RAD51B: variants seen among roughly 807,000 people sequenced by gnomAD.
RAD51B encodes RAD51 paralog B.
In RAD51B, 38 loss-of-function variants were observed where a neutral mutation model predicts 42.2. That is an observed-to-expected ratio of 0.90 (90% CI 0.70 to 1.18). RAD51B has a LOEUF of 1.18. Among genes scored for constraint, RAD51B ranks in the 50% most tolerant of loss-of-function variants. The probability of loss-of-function intolerance (pLI) is 0.00; values close to 1 mark genes in which losing one functional copy is unlikely to be tolerated. For missense variants in RAD51B, 373 were observed against 400.7 expected (o/e 0.93, Z 0.59); for synonymous variants, 154 against 145.2 (o/e 1.06, Z -0.43).
At chr14:67,941,426 A>T in intron 7 of RAD51B, among the ~76,000 whole-genome samples, 1 of 152,144 alleles carries the variant, frequency 6.6e-6, no homozygotes, top group Non-Finnish European at 1.5e-5. Flanking sequence ...CATAGGGGGA[A>T]GATTTTGCTT....
chr14:68,411,564 C>T lies in RAD51B; in HGVS notation c.957+37C>T, dbSNP rs147532073. On this transcript the variant is annotated intron_variant, in intron 9 of 10. Transcript: ENST00000471583. Reference sequence around the variant, plus strand: ...GACAGTATTCTCTGACTATGAAGGTCGGGGAATGAGATATACCAAGCAATC... The same window carrying T: ...GACAGTATTCTCTGACTATGAAGGTTGGGGAATGAGATATACCAAGCAATC... 5.1e-6 allele frequency: 8 copies of T among 1,583,724 alleles called. 2 individuals carry two copies. In the East Asian group the frequency reaches 6.7e-5, roughly 13 times the overall value.
intron 10 of RAD51B, among the ~76,000 whole-genome samples, chr14:68,471,514 T>A (rs897494290): frequency 1.3e-5 from 2 of 151,978 alleles, no homozygotes; most frequent in African/African-American, 4.8e-5. Context: ...AGTCAGCAAC[T>A]GGGGGACTTC....
At position 68,665,637 on chromosome 14, in the gene RAD51B, T is replaced by C. The variant is rs150536825; in HGVS notation, c.*11+14781T>C. Among the ~76,000 whole-genome samples, 525 of 152,338 alleles carry C rather than the reference T, an allele frequency of 3.4e-3. 2 individuals carry two copies. Among genetic ancestry groups the C allele is most frequent in the African/African-American group, 0.012 (496 of 41,582 alleles). On this transcript the variant is annotated intron_variant, in intron 11 of 11. Coordinates refer to the RAD51B transcript ENST00000488612. ...CAGTGGTGATTATACCAAACACATA[T>C]GGAAAGGGATCATGGGGCAGCCAAA...
chr14:68,646,705 T>C (rs1176221338), intron 10 of RAD51B, among the ~76,000 whole-genome samples: 1 of 152,194 alleles, frequency 6.6e-6, no homozygotes, highest in Non-Finnish European at 1.5e-5. Flanking sequence ...TTTTTAGTGT[T>C]TTCTACATTT....
rs554468089 is a variant in RAD51B at position 68,087,843 on chromosome 14, AATT to A, written c.756+200645_756+200647del. Among the ~76,000 whole-genome samples the A allele has an allele frequency of 7.9e-3, 1,053 of 132,482 alleles. 19 individuals carry two copies. Among genetic ancestry groups the A allele is most frequent in the African/African-American group, 0.028 (973 of 34,148 alleles). The allele number at this position is 132,482 out of a possible 152,430, so 86.9% of individuals were successfully genotyped here. Reference sequence around the variant, plus strand: ...AATATTTTTAAATATTTAATTATATAATTATTATATATATAATTATATAATATA... The same window carrying A: ...AATATTTTTAAATATTTAATTATATAATTATATATATAATTATATAATATA... On this transcript the variant is annotated intron_variant, in intron 7 of 10. Coordinates refer to ENST00000471583, the MANE Select transcript of RAD51B (RefSeq NM_133510.4).
At chr14:68,334,854 CAT>C (rs1461160143) in intron 8 of RAD51B, among the ~76,000 whole-genome samples, 10 of 146,910 alleles carry the variant, frequency 6.8e-5, no homozygotes, top group South Asian at 2.1e-4. Flanking sequence ...ATAGATATAT[CAT>C]ATATTTTATG....
intron 8 of RAD51B, among the ~76,000 whole-genome samples, chr14:68,373,297 A>G (rs903605941): frequency 6.6e-6 from 1 of 152,214 alleles, no homozygotes; most frequent in African/African-American, 2.4e-5. Flanking sequence ...AGATGAAAAC[A>G]TAGAGGCCAG....
chr14:68,072,052 A>T (rs1382971950), intron 7 of RAD51B, among the ~76,000 whole-genome samples: 1 of 116,034 alleles, frequency 8.6e-6, no homozygotes, highest in Non-Finnish European at 1.7e-5. Flanking sequence ...TATATATATA[A>T]TTATATATAT....
At chr14:68,454,263 T>A (rs1490970520) in intron 9 of RAD51B, among the ~76,000 whole-genome samples, 2 of 152,150 alleles carry the variant, frequency 1.3e-5, no homozygotes, top group African/African-American at 4.8e-5. Flanking sequence ...ATGTTTACAT[T>A]TTGGCTTAGG....
At chr14:68,513,992 C>A (rs1207070856) in intron 10 of RAD51B, among the ~76,000 whole-genome samples, 2 of 152,160 alleles carry the variant, frequency 1.3e-5, no homozygotes, top group African/African-American at 4.8e-5. Flanking sequence ...GAGAACTGAA[C>A]AAGTTAACAC....
chr14:68,210,646 G>C (rs1555374169), intron 7 of RAD51B, among the ~76,000 whole-genome samples: 1 of 152,082 alleles, frequency 6.6e-6, no homozygotes, highest in Non-Finnish European at 1.5e-5. Context: ...ACTTAAAATA[G>C]TTTTCTTACC....
intron 7 of RAD51B, among the ~76,000 whole-genome samples, chr14:67,910,781 GAT>G (rs1255422572): frequency 6.6e-6 from 1 of 151,114 alleles, no homozygotes; most frequent in Non-Finnish European, 1.5e-5. Context: ...CTGAATAAAA[GAT>G]AGAATCCTTA....
intron 5 of RAD51B, among the ~76,000 whole-genome samples, chr14:67,873,256 A>G (rs1302569509): frequency 6.6e-6 from 1 of 152,064 alleles, no homozygotes; most frequent in African/African-American, 2.4e-5. Context: ...AAAACAAACA[A>G]CCCCATCAAA....
At chr14:68,622,808 A>G (rs979006587) in intron 10 of RAD51B, among the ~76,000 whole-genome samples, 1 of 151,542 alleles carries the variant, frequency 6.6e-6, no homozygotes, top group Non-Finnish European at 1.5e-5. Context: ...TGTTCATTCA[A>G]TTTTAGAGGT....
intron 7 of RAD51B, among the ~76,000 whole-genome samples, chr14:68,048,466 T>C (rs1208601474): frequency 2.0e-5 from 3 of 152,218 alleles, no homozygotes; most frequent in Admixed American, 2.0e-4. Context: ...TTTGTCAATT[T>C]TGGCTTTTGT....
intron 8 of RAD51B, among the ~76,000 whole-genome samples, chr14:68,334,533 G>A (rs2082408179): frequency 6.6e-6 from 1 of 152,182 alleles, no homozygotes; most frequent in South Asian, 2.1e-4. Context: ...AGGAGAGACA[G>A]GTTGGAGTAG....
chr14:68,136,326 A>G (rs578221718), intron 7 of RAD51B, among the ~76,000 whole-genome samples: 21 of 148,618 alleles, frequency 1.4e-4, no homozygotes, highest in African/African-American at 3.7e-4. Context: ...CTGTAATCCC[A>G]GCACTTTGGG....
At chr14:68,186,277 A>T (rs2079156552) in intron 7 of RAD51B, among the ~76,000 whole-genome samples, 1 of 152,232 alleles carries the variant, frequency 6.6e-6, no homozygotes. Flanking sequence ...AAAACCTAGG[A>T]AATACCATTT....
intron 7 of RAD51B, among the ~76,000 whole-genome samples, chr14:68,267,204 G>T (rs1289109497): frequency 6.6e-6 from 1 of 152,132 alleles, no homozygotes; most frequent in Non-Finnish European, 1.5e-5. Flanking sequence ...GGAAATTCTT[G>T]CTCTTTTGGT....
Sources: gnomAD v4.1 joint callset for allele counts (sites outside exome capture counted in the v4.1 genomes callset) on GRCh38, gnomAD v4.1.1 for gene constraint, MANE v1.5 for transcripts, NCBI Gene and HGNC (gene_info 2026-07-23, HGNC 2026-07-21) for gene names.